The following FRY variants were observed in gnomAD, a reference collection of about 807,000 sequenced individuals.
FRY encodes the protein FRY microtubule binding protein.
Under a neutral mutation model 348.4 loss-of-function variants are expected in FRY, and 128 were observed. That is an observed-to-expected ratio of 0.37 (90% confidence interval 0.32 to 0.43). The LOEUF is 0.43. Among genes scored for constraint, FRY ranks in the 20% least tolerant of loss-of-function variants. The pLI, the probability that FRY is intolerant of heterozygous loss-of-function variation, is 1.00. For synonymous variants in FRY, 1,370 were observed against 1,374.7 expected (o/e 1.00, Z 0.08); for missense variants, 2,736 against 3,695.2 (o/e 0.74, Z 6.73).
intron 8 of FRY, among the ~76,000 whole-genome samples, 196 bp downstream of exon 8, chr13:32,132,036 A>G (rs183002955): frequency 1.2e-4 from 18 of 152,086 alleles, no homozygotes; most frequent in Non-Finnish European, 1.9e-4. Flanking sequence ...ACTTTCATAT[A>G]TCTTTGGAGG....
chr13:32,234,824 A>G, intron 42 of FRY, 63 bp downstream of exon 42: 1 of 1,294,746 alleles, frequency 7.7e-7, no homozygotes, highest in South Asian at 1.2e-5. Flanking sequence ...TGAGGTGTAA[A>G]CTATTTTTGA....
At chr13:32,173,823 A>G (rs528065433) in intron 19 of FRY, among the ~76,000 whole-genome samples, 1 of 152,344 alleles carries the variant, frequency 6.6e-6, no homozygotes, top group Non-Finnish European at 1.5e-5. Flanking sequence ...TAGGCTATGA[A>G]TCATTTCCTT....
chr13:32,287,825 TCTTTC>T, intron 58 of FRY: 3 of 1,288,780 alleles, frequency 2.3e-6, no homozygotes, highest in South Asian at 1.2e-5. Context: ...CCCTGTACTT[TCTTTC>T]CTTTCCTTTG....
intron 4 of FRY, among the ~76,000 whole-genome samples, chr13:32,118,889 T>A (rs1485714059): frequency 6.6e-6 from 1 of 152,230 alleles, no homozygotes; most frequent in East Asian, 1.9e-4. Flanking sequence ...TGTTGTCTTA[T>A]GAACAGATAT....
intron 1 of FRY, among the ~76,000 whole-genome samples, chr13:32,067,645 T>C (rs1319522816): frequency 1.3e-5 from 2 of 152,240 alleles, no homozygotes; most frequent in Admixed American, 1.3e-4. Context: ...TTTCAGGGCA[T>C]ACTTTTATAT....
rs1886368044 is a variant in FRY at position 32,239,027 on chromosome 13, T to C, written c.6419-225T>C. Among the ~76,000 whole-genome samples, 1 of 152,252 alleles carries C rather than the reference T, an allele frequency of 6.6e-6. No homozygotes were observed. The highest frequency in any genetic ancestry group is 1.5e-5 in the Non-Finnish European group (1 of 68,044). On this transcript the variant is annotated intron_variant, in intron 44 of 60. Transcript: ENST00000542859. This position sits in a 1 kb window ranked among gnomAD's most constrained non-coding sequence, Gnocchi z 4.3. ...TTATTCACAATAGTCCAGTGCAAGA[T>C]AATCACTGCATCTTAAAATCGCAGA...
intron 1 of FRY, among the ~76,000 whole-genome samples, chr13:32,059,458 CAAAAAAA>C (rs10692049): frequency 2.7e-5 from 3 of 111,422 alleles, no homozygotes; most frequent in East Asian, 2.8e-4. Context: ...ACTTAGGAAG[CAAAAAAA>C]AAAAAAAAAA....
intron 1 of FRY, among the ~76,000 whole-genome samples, chr13:32,046,174 T>C (rs1027924115): frequency 1.3e-5 from 2 of 152,170 alleles, no homozygotes; most frequent in Non-Finnish European, 2.9e-5. Context: ...CTCTTCAGGC[T>C]CTGGGAAAAG....
At chr13:32,198,708 C>G (rs1883831481) in intron 29 of FRY, among the ~76,000 whole-genome samples, 2 of 152,304 alleles carry the variant, frequency 1.3e-5, no homozygotes, top group East Asian at 3.9e-4. Flanking sequence ...ACCCATCATT[C>G]AACATCATTC....
chr13:32,190,171 A>G (rs1031912603), intron 28 of FRY, among the ~76,000 whole-genome samples: 1 of 151,396 alleles, frequency 6.6e-6, no homozygotes, highest in Non-Finnish European at 1.5e-5. Context: ...GGCACCTTGA[A>G]AAAAAAAACA....
intron 24 of FRY, among the ~76,000 whole-genome samples, chr13:32,183,638 T>A (rs1181284737): frequency 6.6e-6 from 1 of 151,910 alleles, no homozygotes; most frequent in African/African-American, 2.4e-5. Flanking sequence ...TAGCTGGGCG[T>A]GGTGGCACGC....
intron 3 of FRY, among the ~76,000 whole-genome samples, chr13:32,105,197 C>T (rs1035344835): frequency 5.3e-5 from 8 of 152,158 alleles, no homozygotes; most frequent in Non-Finnish European, 1.2e-4. Flanking sequence ...TGGTAATTTT[C>T]CCATGAGGGC....
chr13:32,176,072 C>T (rs1247112379), intron 20 of FRY, among the ~76,000 whole-genome samples: 1 of 152,088 alleles, frequency 6.6e-6, no homozygotes, highest in African/African-American at 2.4e-5. Context: ...GGGGTAAGTC[C>T]ACAGTCACAC....
intron 1 of FRY, among the ~76,000 whole-genome samples, chr13:32,048,726 G>C (rs74044326): frequency 0.012 from 1,784 of 152,102 alleles, 43 homozygotes; most frequent in African/African-American, 0.041. Flanking sequence ...CTTTTTCCAC[G>C]TGGGGAATGC....
Position 32,036,471 on chromosome 13 carries a change from A to AG in FRY, c.70+4609dup, listed in dbSNP as rs202110168. Among the ~76,000 whole-genome samples, 980 of 151,738 alleles carry AG rather than the reference A, an allele frequency of 6.5e-3. 13 individuals are homozygous for AG. The highest frequency in any genetic ancestry group is 0.023 in the African/African-American group (947 of 41,054). ...TGGGCTTATGATTAAGACAAATCAG[A>AG]GGGTTTTTTTTTTCCCATTCAAATG... On this transcript the variant is annotated intron_variant, in intron 1 of 60. Transcript: ENST00000542859.
rs528823636 is a variant in FRY, at chr13:32,140,440, G to A, written c.1179+3468G>A. On this transcript the variant is annotated intron_variant, in intron 11 of 60. Transcript: ENST00000542859. ...TTATGCTAGGACTTAAATCCATTCCGTCAGTTGCCAACAATTCTTTATAAG... is the reference window on the plus strand; with the variant it reads ...TTATGCTAGGACTTAAATCCATTCCATCAGTTGCCAACAATTCTTTATAAG... 8.5e-5 allele frequency among the ~76,000 whole-genome samples: 13 copies of A among 152,220 alleles called. No individual in the cohort carries two copies. The South Asian group carries it at 2.3e-3, about 27-fold the overall frequency.
intron 39 of FRY, among the ~76,000 whole-genome samples, chr13:32,227,937 A>C (rs577315899): frequency 1.8e-3 from 269 of 152,270 alleles, no homozygotes; most frequent in African/African-American, 6.3e-3. Context: ...TTTTTGGTAG[A>C]GACAGGGTTT....
intron 7 of FRY, among the ~76,000 whole-genome samples, chr13:32,128,639 G>A (rs1238221459): frequency 6.6e-6 from 1 of 152,190 alleles, no homozygotes; most frequent in Non-Finnish European, 1.5e-5. Flanking sequence ...TGCCACTGTG[G>A]TCTTCCAATC....
chr13:32,097,778 G>A (rs751798438), intron 2 of FRY, among the ~76,000 whole-genome samples: 1 of 151,952 alleles, frequency 6.6e-6, no homozygotes, highest in Admixed American at 6.6e-5. Context: ...GTGTGTGTGT[G>A]TGTTGGTTAA....
Sources: gnomAD v4.1 joint callset for allele counts (sites outside exome capture counted in the v4.1 genomes callset) on GRCh38, gnomAD v4.1.1 for gene constraint, Gnocchi (gnomAD v3.1) non-coding constraint, MANE v1.5 for transcripts, NCBI Gene and HGNC (gene_info 2026-07-23, HGNC 2026-07-21) for gene names.